The following TRAPPC2 variants were observed in gnomAD, a reference collection of about 807,000 sequenced individuals.
The protein encoded by TRAPPC2 is trafficking protein particle complex subunit 2, also known as sedlin.
In TRAPPC2, 4 loss-of-function variants were observed where a neutral mutation model predicts 10.0. The observed-to-expected ratio is 0.40, with a 90% CI of 0.20 to 0.92. The LOEUF is 0.92. TRAPPC2 is among the 40% of genes least tolerant of loss of function. The probability of loss-of-function intolerance (pLI) is 0.35; values close to 1 mark genes in which losing one functional copy is unlikely to be tolerated. For missense variants in TRAPPC2, 52 were observed against 108.7 expected, an observed-to-expected ratio of 0.48 and a Z score of 2.32; for synonymous variants, 36 against 37.3, an observed-to-expected ratio of 0.97 and a Z score of 0.12.
chrX:13,733,614 C>A (rs2046731321), intron 2 of TRAPPC2, among the ~76,000 whole-genome samples: 1 of 112,197 alleles, frequency 8.9e-6, no homozygotes, highest in Non-Finnish European at 1.9e-5. Context: ...TCATCGTACT[C>A]ATCTTCAATG....
chrX:13,717,753 C>A (rs2046328282), intron 3 of TRAPPC2, among the ~76,000 whole-genome samples: 1 of 111,535 alleles, frequency 9.0e-6, no homozygotes, highest in African/African-American at 3.3e-5. Flanking sequence ...AAAACCCAAG[C>A]CATTTTTCAA....
chrX:13,719,849 T>G (rs2046370857), intron 3 of TRAPPC2, 22 bp downstream of exon 3: 1 of 1,060,880 alleles, frequency 9.4e-7, no homozygotes, highest in Non-Finnish European at 1.3e-6. Context: ...ATCATTACAA[T>G]AGCATAAAAA....
chrX:13,725,316 G>A lies in TRAPPC2; in HGVS notation c.-19-5334C>T, dbSNP rs146557149. On this transcript the variant is annotated intron_variant, in intron 2 of 5. Transcript: ENST00000380579. ...CTCCTCAAGGGGGTCCCTGACCCCC[G>A]TATGGCCTAATTGGGAGACACCTCC... Among the ~76,000 whole-genome samples the A allele has an allele frequency of 1.2e-4, 13 of 112,783 alleles. No homozygotes were observed. In the East Asian group the frequency reaches 3.1e-3, roughly 27 times the overall value.
intron 2 of TRAPPC2, chrX:13,720,538 G>A (rs1196144666): frequency 8.9e-6 from 1 of 112,517 alleles, no homozygotes; most frequent in African/African-American, 3.2e-5. Context: ...CGCAGACTGC[G>A]TGTGCTGTAT....
chrX:13,723,857 G>GGCCCTAACA (rs1180245993), intron 2 of TRAPPC2, among the ~76,000 whole-genome samples: 1 of 111,217 alleles, frequency 9.0e-6, no homozygotes, highest in African/African-American at 3.3e-5. Context: ...GAGTATGTTA[G>GGCCCTAACA]GGCCCACGGC....
intron 2 of TRAPPC2, among the ~76,000 whole-genome samples, chrX:13,724,425 T>G (rs934220933): frequency 9.5e-6 from 1 of 105,601 alleles, no homozygotes; most frequent in Non-Finnish European, 1.9e-5. Context: ...AAAAAGAGGC[T>G]TTTTAGGCTA....
chrX:13,716,124 G>A (rs1338985124), intron 4 of TRAPPC2, 35 bp from the exon 5 acceptor site: 16 of 1,151,131 alleles, frequency 1.4e-5, no homozygotes, highest in Admixed American at 7.7e-5. Context: ...TCTTAGAAAT[G>A]AAAAACAAAA....
rs765736724 is a variant in TRAPPC2 at position 13,716,630 on chromosome X, G to A, written c.142C>T (p.Leu48Phe). Residue 48 changes from leucine to phenylalanine, a missense_variant, in exon 4 of 6, where the codon CTC becomes TTC. Physicochemically the swap from Leu to Phe is conservative, Grantham distance 22. Coordinates refer to ENST00000380579, the MANE Select transcript of TRAPPC2 (RefSeq NM_001011658.4). ...GATAGCCACATGTTCTCATCTACGA[G>A]GTCGAGAGCAGCATGAGCTATGAAC... ...NQFIAHAALD[L>F]VDENMWLSNN... is the part of the protein sequence containing the mutation. 1 of 1,210,183 alleles carries A rather than the reference G, an allele frequency of 8.3e-7. No homozygotes were observed. The highest frequency in any genetic ancestry group is 1.7e-5 in the African/African-American group (1 of 57,419).
At chrX:13,716,838 CATATT>C (rs1340377460) in intron 3 of TRAPPC2, 160 bp from the exon 4 acceptor site, 2 of 500,769 alleles carry the variant, frequency 4.0e-6, no homozygotes, top group Non-Finnish European at 6.5e-6. Flanking sequence ...GATCTGTTTT[CATATT>C]ATATTCTATT....
chrX:13,729,054 C>T (rs994598112), intron 2 of TRAPPC2, among the ~76,000 whole-genome samples: 3 of 111,453 alleles, frequency 2.7e-5, no homozygotes, highest in African/African-American at 9.8e-5. Flanking sequence ...CGTGAAGGAC[C>T]TCTTCAAGGA....
chrX:13,714,791 CAT>C (rs1388840748), intron 5 of TRAPPC2, among the ~76,000 whole-genome samples: 5 of 112,021 alleles, frequency 4.5e-5, no homozygotes, highest in African/African-American at 1.6e-4. Context: ...GTGAAATACT[CAT>C]ATTCATTATA....
At chrX:13,719,044 C>T (rs1264918965) in intron 3 of TRAPPC2, among the ~76,000 whole-genome samples, 1 of 110,869 alleles carries the variant, frequency 9.0e-6, no homozygotes, top group Non-Finnish European at 1.9e-5. Context: ...ATAATCCCAG[C>T]TACCTGGGAG....
At chrX:13,718,701 T>G (rs866848524) in intron 3 of TRAPPC2, among the ~76,000 whole-genome samples, 23 of 112,514 alleles carry the variant, frequency 2.0e-4, no homozygotes, top group Non-Finnish European at 3.4e-4. Flanking sequence ...GCCTGAATAG[T>G]TGAAAAATAC....
chrX:13,730,280 AAAG>A (rs747065248), intron 2 of TRAPPC2, among the ~76,000 whole-genome samples: 1 of 112,092 alleles, frequency 8.9e-6, no homozygotes, highest in African/African-American at 3.2e-5. Context: ...AGACTTCTCA[AAAG>A]AAGACATCTA....
intron 3 of TRAPPC2, among the ~76,000 whole-genome samples, chrX:13,717,005 T>C (rs1309269618): frequency 1.4e-5 from 1 of 70,676 alleles, no homozygotes; most frequent in East Asian, 5.0e-4. Flanking sequence ...TCTGTAACCA[T>C]CTAAACATGT....
At chrX:13,725,372 C>T (rs951350674) in intron 2 of TRAPPC2, among the ~76,000 whole-genome samples, 21 of 111,960 alleles carry the variant, frequency 1.9e-4, no homozygotes, top group Admixed American at 1.2e-3. Flanking sequence ...CTCATATAGG[C>T]GGGTGCCCCT....
chrX:13,715,992 A>G lies in TRAPPC2; in HGVS notation c.324+12T>C. The G allele has an allele frequency of 1.7e-6, 2 of 1,178,413 alleles. No homozygotes were observed. The highest frequency in any genetic ancestry group is 2.3e-6 in the Non-Finnish European group (2 of 875,756). On this transcript the variant is annotated intron_variant, in intron 5 of 5. Coordinates refer to ENST00000380579, the MANE Select transcript of TRAPPC2 (RefSeq NM_001011658.4). Reference sequence around the variant, plus strand: ...TCTCATCAGAATTTAAAAATTATAGAACATACCATACCTTTATATATAAAT... The same window carrying G: ...TCTCATCAGAATTTAAAAATTATAGGACATACCATACCTTTATATATAAAT...
At position 13,734,179 on chromosome X, in the gene TRAPPC2, G is replaced by A. The variant is rs1310419336; in HGVS notation, c.-155C>T. On this transcript the variant is annotated 5_prime_UTR_variant, in exon 2 of 6. Transcript: ENST00000380579. ...TTTGGTTGTCACACTTGGGGGAGAAGGTGATACTGACAAAATAGAGAGCAA... is the reference window on the plus strand; with the variant it reads ...TTTGGTTGTCACACTTGGGGGAGAAAGTGATACTGACAAAATAGAGAGCAA... 2 of 493,775 alleles carry A rather than the reference G, an allele frequency of 4.1e-6. No homozygotes were observed. The highest frequency in any genetic ancestry group is 2.8e-5 in the Admixed American group (1 of 36,033). 40.7% of individuals were successfully genotyped at this position (493,775 alleles called of 1,213,427 possible).
intron 2 of TRAPPC2, 125 bp from the exon 3 acceptor site, chrX:13,720,107 C>T (rs1395025873): frequency 6.5e-6 from 3 of 459,023 alleles, no homozygotes; most frequent in Non-Finnish European, 1.0e-5. Context: ...TGCTACTAAG[C>T]TTGGCAGTTT....
Sources: allele counts gnomAD v4.1 joint callset (sites outside exome capture counted in the v4.1 genomes callset), GRCh38; gene constraint gnomAD v4.1.1; transcripts MANE v1.5; gene names NCBI Gene and HGNC (gene_info 2026-07-23, HGNC 2026-07-21).